N4BP2L2: variants seen among roughly 807,000 people sequenced by gnomAD.
N4BP2L2 encodes the protein NEDD4 binding protein 2 like 2.
In N4BP2L2, 50 loss-of-function variants were observed where a neutral mutation model predicts 56.2. The ratio of observed to expected loss-of-function variants is 0.89; its 90% confidence interval spans 0.71 to 1.13. The LOEUF (loss-of-function observed/expected upper bound fraction) is 1.13, where lower values mean the gene tolerates loss of function less well. Among genes scored for constraint, N4BP2L2 ranks in the 50% most tolerant of loss-of-function variants. The probability of loss-of-function intolerance (pLI) is 0.00; values close to 1 mark genes in which losing one functional copy is unlikely to be tolerated. For missense variants in N4BP2L2, 689 were observed against 693.8 expected, an observed-to-expected ratio of 0.99 and a Z score of 0.08; for synonymous variants, 203 against 223.6, an observed-to-expected ratio of 0.91 and a Z score of 0.82.
intron 6 of N4BP2L2, among the ~76,000 whole-genome samples, chr13:32,496,024 T>A (rs2088522029): frequency 6.6e-6 from 1 of 152,072 alleles, no homozygotes; most frequent in South Asian, 2.1e-4. Context: ...CACCACTGAT[T>A]CCCCAGAGTT....
chr13:32,464,950 C>A (rs563218980), intron 6 of N4BP2L2, among the ~76,000 whole-genome samples: 1 of 151,888 alleles, frequency 6.6e-6, no homozygotes, highest in East Asian at 1.9e-4. Context: ...CAAGTGTTAA[C>A]AAGAATCTAA....
chr13:32,500,770 T>G, intron 6 of N4BP2L2, among the ~76,000 whole-genome samples: 1 of 151,506 alleles, frequency 6.6e-6, no homozygotes, highest in East Asian at 1.9e-4. Flanking sequence ...AACAGTATCT[T>G]AAAATATTAT....
chr13:32,452,736 G>A (rs1234170165), intron 6 of N4BP2L2, among the ~76,000 whole-genome samples: 1 of 152,148 alleles, frequency 6.6e-6, no homozygotes, highest in Non-Finnish European at 1.5e-5. Context: ...ACCAGGAATA[G>A]ATGAGAACTT....
chr13:32,467,861 G>A (rs2081516546), intron 6 of N4BP2L2, among the ~76,000 whole-genome samples: 1 of 151,706 alleles, frequency 6.6e-6, no homozygotes, highest in Non-Finnish European at 1.5e-5. Flanking sequence ...ATGGTGGCGG[G>A]TGCCTGTAAT....
chr13:32,513,269 G>A (rs2048521599), exon 6 of N4BP2L2: 2 of 152,076 alleles, frequency 1.3e-5, no homozygotes, highest in South Asian at 4.1e-4. Context: ...AACATATTTG[G>A]CAATTTAAAT....
rs183847343 is a variant in N4BP2L2, at chr13:32,495,558, G to C, written c.365+22299C>G. Among the ~76,000 whole-genome samples the C allele has an allele frequency of 1.2e-3, 185 of 152,300 alleles. 1 individual carries two copies. Among genetic ancestry groups the C allele is most frequent in the Middle Eastern group, 6.8e-3 (2 of 294 alleles). ...ACTCAAATGGGTCTGGAAAGTAACA[G>C]ATATAGCACTAGCCAGTCCAGATTA... On this transcript the variant is annotated intron_variant, in intron 6 of 9. Transcript: ENST00000357505.
chr13:32,525,494 T>A (rs1256800642), intron 3 of N4BP2L2: 7 of 152,154 alleles, frequency 4.6e-5, no homozygotes, highest in South Asian at 4.1e-4. Context: ...AAAGTTTTTT[T>A]AAAAAATAGC....
At chr13:32,511,105 T>C (rs1275097488) in exon 6 of N4BP2L2, 2 of 152,240 alleles carry the variant, frequency 1.3e-5, no homozygotes, top group Non-Finnish European at 2.9e-5. Context: ...TCGTTTAACC[T>C]AAATTTTTGT....
At chr13:32,440,707 C>A (rs1656353728) in intron 7 of N4BP2L2, among the ~76,000 whole-genome samples, 1 of 152,168 alleles carries the variant, frequency 6.6e-6, no homozygotes, top group Admixed American at 6.5e-5. Flanking sequence ...AGGTGATCCA[C>A]CTGCCTCAGC....
intron 3 of N4BP2L2, 190 bp downstream of exon 3, chr13:32,527,217 CA>C: frequency 1.8e-6 from 1 of 549,874 alleles, no homozygotes; most frequent in Non-Finnish European, 3.1e-6. Context: ...CTGCTTTTCA[CA>C]AAAACCCTGA....
chr13:32,446,411 A>C (rs531431888), intron 6 of N4BP2L2: 2 of 1,363,514 alleles, frequency 1.5e-6, no homozygotes, highest in South Asian at 2.3e-5. Flanking sequence ...TCAGTTATGA[A>C]ATTCATCCTG....
exon 2 of N4BP2L2, chr13:32,536,876 C>A: frequency 1.2e-6 from 2 of 1,614,034 alleles, no homozygotes; most frequent in South Asian, 1.1e-5. Flanking sequence ...CCAATCATTT[C>A]CAGTTTTCTC....
chr13:32,493,375 TATAAAA>T (rs2087681168), intron 6 of N4BP2L2, among the ~76,000 whole-genome samples: 2 of 152,128 alleles, frequency 1.3e-5, no homozygotes, highest in South Asian at 2.1e-4. Flanking sequence ...CTCTCAGCGG[TATAAAA>T]ATAAAAACAA....
chr13:32,442,783 C>G, exon 7 of N4BP2L2: 2 of 1,613,452 alleles, frequency 1.2e-6, no homozygotes, highest in East Asian at 4.5e-5. Context: ...TGCAGAGCAC[C>G]TTAGTCTGTT....
chr13:32,464,376 GA>G (rs1686655570), intron 6 of N4BP2L2, among the ~76,000 whole-genome samples: 1 of 152,228 alleles, frequency 6.6e-6, no homozygotes, highest in South Asian at 2.1e-4. Flanking sequence ...CTGGAGGTGA[GA>G]GGGGGAAAAT....
At chr13:32,437,568 T>C (rs75156205) in intron 8 of N4BP2L2, among the ~76,000 whole-genome samples, 198 of 152,354 alleles carry the variant, frequency 1.3e-3, no homozygotes, top group African/African-American at 4.6e-3. Context: ...CCTTCTAACC[T>C]TCCAAGCCAG....
intron 6 of N4BP2L2, among the ~76,000 whole-genome samples, chr13:32,491,580 T>A (rs1404620119): frequency 6.8e-6 from 1 of 147,168 alleles, no homozygotes; most frequent in African/African-American, 2.5e-5. Context: ...AAACTATATA[T>A]AAATTATATA....
chr13:32,534,623 T>C lies in N4BP2L2; in HGVS notation c.1259+1146A>G, dbSNP rs149921686. 4.7e-3 allele frequency among the ~76,000 whole-genome samples: 710 copies of C among 152,350 alleles called. 8 individuals carry two copies. The highest frequency in any genetic ancestry group is 0.016 in the African/African-American group (653 of 41,588). ...AAATTTAATTCTGGAATGAATTAAT[T>C]CATTCACAAAGATCACAGTTTATAA... On this transcript the variant is annotated intron_variant, in intron 2 of 5. Coordinates refer to ENST00000267068, the Ensembl canonical transcript of N4BP2L2.
intron 6 of N4BP2L2, among the ~76,000 whole-genome samples, chr13:32,499,815 AATTCTGT>A (rs1376719169): frequency 6.6e-6 from 1 of 152,140 alleles, no homozygotes; most frequent in Non-Finnish European, 1.5e-5. Context: ...CTTATAGTCC[AATTCTGT>A]ACCTTTAAAT....
Sources: gnomAD v4.1 joint callset for allele counts (sites outside exome capture counted in the v4.1 genomes callset) on GRCh38, gnomAD v4.1.1 for gene constraint, MANE v1.5 for transcripts, NCBI Gene and HGNC (gene_info 2026-07-23, HGNC 2026-07-21) for gene names.